Variants in SPC25 observed in about 807,000 individuals in gnomAD.
SPC25 encodes the protein SPC25 component of NDC80 kinetochore complex.
SPC25 carries 22 observed loss-of-function variants against 29.6 expected under a neutral mutation model. The observed-to-expected ratio is 0.74, with a 90% CI of 0.53 to 1.06. The LOEUF (loss-of-function observed/expected upper bound fraction) is 1.06. SPC25 is among the 50% of genes least tolerant of loss of function. The pLI is 0.00. For missense variants in SPC25, 230 were observed against 255.8 expected, an observed-to-expected ratio of 0.90 and a Z score of 0.69; for synonymous variants, 91 against 90.4, an observed-to-expected ratio of 1.01 and a Z score of -0.04.
intron 4 of SPC25, among the ~76,000 whole-genome samples, chr2:168,863,060 C>T (rs374123020): frequency 2.0e-5 from 3 of 152,082 alleles, no homozygotes; most frequent in Non-Finnish European, 4.4e-5. Flanking sequence ...CCACCTAGAA[C>T]CCATGGATGC....
At chr2:168,865,511 TATC>T (rs1336088836) in intron 4 of SPC25, 2 of 153,342 alleles carry the variant, frequency 1.3e-5, no homozygotes, top group Admixed American at 6.5e-5. Flanking sequence ...CCACAGCCAA[TATC>T]ATACTGAATG....
At chr2:168,867,459 A>T (rs1198318274), downstream of SPC25, among the ~76,000 whole-genome samples, 1 of 152,258 alleles carries the variant, frequency 6.6e-6, no homozygotes, top group Non-Finnish European at 1.5e-5. Flanking sequence ...TAAAGAGTCA[A>T]GACCCATCAG....
intron 4 of SPC25, chr2:168,865,379 G>GTCA (rs1326983547): frequency 6.2e-6 from 1 of 161,288 alleles, no homozygotes; most frequent in African/African-American, 2.4e-5. Flanking sequence ...GCAGGCCTAT[G>GTCA]AGGGGGTCAA....
downstream of SPC25, among the ~76,000 whole-genome samples, chr2:168,866,203 C>T (rs374900345): frequency 5.2e-4 from 80 of 152,404 alleles, no homozygotes; most frequent in East Asian, 6.6e-3. Context: ...AGAGGCATCA[C>T]GCTACCTGAC....
chr2:168,881,051 C>T (rs889784705), intron 3 of SPC25, among the ~76,000 whole-genome samples: 1 of 152,186 alleles, frequency 6.6e-6, no homozygotes, highest in South Asian at 2.1e-4. Flanking sequence ...TTGCTTGACA[C>T]ATGGTTGCCA....
rs1340918738 is a variant in SPC25, at chr2:168,877,135, A to G, written c.346+103T>C. 2.3e-6 allele frequency: 3 copies of G among 1,285,956 alleles called. No individual in the cohort carries two copies. In the Admixed American group the frequency reaches 6.9e-5, roughly 30 times the overall value. 79.7% of individuals were successfully genotyped at this position (1,285,956 alleles called of 1,614,324 possible). On this transcript the variant is annotated intron_variant, in intron 4 of 6. Transcript: ENST00000282074. ...GCTGGTTATGCCCTGGGGTACTGTA[A>G]TCCATTTTTAGCAATGAACTGGAAC...
intron 1 of SPC25, 35 bp downstream of exon 1, chr2:168,890,283 G>A (rs767535206): frequency 2.8e-5 from 27 of 955,120 alleles, no homozygotes; most frequent in Non-Finnish European, 3.1e-5. Flanking sequence ...CGACAGGGGG[G>A]CCAAGGAGCC....
downstream of SPC25, among the ~76,000 whole-genome samples, chr2:168,866,678 A>C (rs565090885): frequency 6.6e-6 from 1 of 152,076 alleles, no homozygotes; most frequent in African/African-American, 2.4e-5. Context: ...ACCACCATCA[A>C]AGTGAACAGG....
chr2:168,890,299 C>T lies in SPC25; in HGVS notation c.-15+19G>A. The T allele has an allele frequency of 1.0e-6, 1 of 980,678 alleles. No individual in the cohort carries two copies. The highest frequency in any genetic ancestry group is 1.1e-4 in the East Asian group (1 of 8,792). The allele number at this position is 980,678 out of a possible 1,614,324, so 60.7% of individuals were successfully genotyped here. ...GACAGGGGGGCCAAGGAGCCCAGCT[C>T]GGCGCCCAACTCCCTTACCTTCGCA... On this transcript the variant is annotated intron_variant, in intron 1 of 6. Transcript: ENST00000282074.
chr2:168,864,870 G>A, intron 4 of SPC25: 2 of 1,613,756 alleles, frequency 1.2e-6, no homozygotes, highest in Non-Finnish European at 1.7e-6. Context: ...AAAGAAGGAG[G>A]ATGGTGGTTT....
chr2:168,865,144 A>AGAT, intron 4 of SPC25: 1 of 702,098 alleles, frequency 1.4e-6, no homozygotes, highest in Non-Finnish European at 2.3e-6. Context: ...GTCAGAAAAA[A>AGAT]GATGGATGGG....
chr2:168,871,570 A>G lies in SPC25; in HGVS notation c.551-15T>C. 2 of 1,542,114 alleles carry G rather than the reference A, an allele frequency of 1.3e-6. No homozygotes were observed. Among genetic ancestry groups the G allele is most frequent in the Non-Finnish European group, 1.7e-6 (2 of 1,150,038 alleles). On this transcript the variant is annotated splice_polypyrimidine_tract_variant and intron_variant, in intron 6 of 6. Transcript: ENST00000282074. Reference sequence around the variant, plus strand: ...ACTATCTGACACTAGAAAAAAAAAAAAAAGAAATCAAAGACAATTAGAATG... The same window carrying G: ...ACTATCTGACACTAGAAAAAAAAAAGAAAGAAATCAAAGACAATTAGAATG...
rs1318713676 is a variant in SPC25, at chr2:168,873,750, T to G, written c.452-67A>C. ...TGGAGATACCCTTTCTTACTCCATC[T>G]TTGATCAATATCTGCACTGCTAAGT... On this transcript the variant is annotated intron_variant, in intron 5 of 6. Transcript: ENST00000282074. 4 of 1,016,594 alleles carry G rather than the reference T, an allele frequency of 3.9e-6. No homozygotes were observed. In the Admixed American group the frequency reaches 5.2e-5, roughly 13 times the overall value. The allele number at this position is 1,016,594 out of a possible 1,614,324, so 63.0% of individuals were successfully genotyped here. A position where few individuals can be genotyped will look rare whatever the true frequency, so the allele number is the denominator to read the frequency against.
In SPC25 at chr2:168,883,176, T is replaced by C. The variant is rs1339960880; in HGVS notation, c.200-5792A>G. 4.6e-5 allele frequency among the ~76,000 whole-genome samples: 7 copies of C among 152,170 alleles called. No individual in the cohort carries two copies. The East Asian group carries it at 1.3e-3, about 29-fold the overall frequency. The stretch of plus-strand genomic sequence containing the variant: ...TATATCGATAAGATGGAATGTATTT[T>C]CAAAACAATTTAGCAATGTGGGAAA... On this transcript the variant is annotated intron_variant, in intron 3 of 6. Transcript: ENST00000282074.
intron 5 of SPC25, among the ~76,000 whole-genome samples, chr2:168,874,552 C>A (rs577316432): frequency 6.6e-6 from 1 of 152,106 alleles, no homozygotes; most frequent in African/African-American, 2.4e-5. Flanking sequence ...ATGGAATGAA[C>A]TTGGCTGCTG....
At chr2:168,865,733 C>G (rs928983643) in intron 4 of SPC25, among the ~76,000 whole-genome samples, 3 of 152,012 alleles carry the variant, frequency 2.0e-5, no homozygotes, top group African/African-American at 7.3e-5. Context: ...ACTGTCTCAG[C>G]CCAAAATCTC....
intron 5 of SPC25, 94 bp from the exon 6 acceptor site, chr2:168,873,777 T>C: frequency 2.8e-6 from 2 of 713,654 alleles, no homozygotes; most frequent in Non-Finnish European, 4.8e-6. Flanking sequence ...CTGCTAAGTA[T>C]ATACAGTCAT....
intron 5 of SPC25, among the ~76,000 whole-genome samples, chr2:168,875,286 C>T (rs1040887142): frequency 1.3e-5 from 2 of 152,136 alleles, no homozygotes; most frequent in African/African-American, 4.8e-5. Context: ...CCAATAAACA[C>T]ATCAAAAGTC....
At chr2:168,863,098 A>AATTG (rs914612856) in intron 4 of SPC25, among the ~76,000 whole-genome samples, 3 of 152,270 alleles carry the variant, frequency 2.0e-5, no homozygotes, top group South Asian at 4.2e-4. Context: ...ATTCACAATA[A>AATTG]ATTGATTATC....
Sources: allele counts gnomAD v4.1 joint callset (sites outside exome capture counted in the v4.1 genomes callset), GRCh38; gene constraint gnomAD v4.1.1; transcripts MANE v1.5; gene names NCBI Gene and HGNC (gene_info 2026-07-23, HGNC 2026-07-21).